C12orf42: variants seen among roughly 807,000 people sequenced by gnomAD.
C12orf42 encodes the protein chromosome 12 open reading frame 42.
A neutral mutation model predicts 21.6 loss-of-function variants in C12orf42; 25 were observed. The observed-to-expected ratio is 1.16, with a 90% CI of 0.84 to 1.62. The LOEUF (loss-of-function observed/expected upper bound fraction) is 1.62, where lower values mean the gene tolerates loss of function less well. Among genes scored for constraint, C12orf42 ranks in the 40% most tolerant of loss-of-function variants. The pLI is 0.00. For missense variants in C12orf42, 483 were observed against 459.3 expected, an observed-to-expected ratio of 1.05 and a Z score of -0.47; for synonymous variants, 174 against 175.0, an observed-to-expected ratio of 0.99 and a Z score of 0.05.
At chr12:103,428,460 T>C (rs1336198747) in intron 2 of C12orf42, among the ~76,000 whole-genome samples, 4 of 152,142 alleles carry the variant, frequency 2.6e-5, no homozygotes, top group Non-Finnish European at 2.9e-5. Flanking sequence ...AGTTCTGAAA[T>C]TGAGGCAGTA....
chr12:103,517,542 A>T, the C12orf42 span, among the ~76,000 whole-genome samples: 1 of 152,240 alleles, frequency 6.6e-6, no homozygotes, highest in Non-Finnish European at 1.5e-5. Context: ...CACAAATTAC[A>T]TTAGACCTTT....
downstream of C12orf42, among the ~76,000 whole-genome samples, chr12:103,265,224 T>C (rs1264483373): frequency 1.3e-5 from 2 of 152,060 alleles, no homozygotes; most frequent in African/African-American, 4.8e-5. Flanking sequence ...ATATTAGGGA[T>C]TAGAATTTCA....
At chr12:103,168,078 G>A in the C12orf42 span, 1 of 455,844 alleles carries the variant, frequency 2.2e-6, no homozygotes, top group Non-Finnish European at 4.4e-6. Flanking sequence ...TTACATTATT[G>A]TGGATACTTT....
At chr12:103,384,568 T>C (rs1211764203) in intron 3 of C12orf42, among the ~76,000 whole-genome samples, 1 of 152,194 alleles carries the variant, frequency 6.6e-6, no homozygotes, top group Admixed American at 6.5e-5. Flanking sequence ...TGGTGGTTTC[T>C]CCCACTCCTT....
intron 3 of C12orf42, among the ~76,000 whole-genome samples, chr12:103,376,192 G>A (rs984033848): frequency 2.0e-5 from 3 of 152,168 alleles, no homozygotes; most frequent in African/African-American, 7.2e-5. Context: ...TAAAGAAAAT[G>A]TGGCACATAT....
At chr12:103,193,485 G>A in the C12orf42 span, among the ~76,000 whole-genome samples, 1 of 151,472 alleles carries the variant, frequency 6.6e-6, no homozygotes, top group East Asian at 1.9e-4. Context: ...AGAAAAAGAA[G>A]CAATTAAATG....
the C12orf42 span, among the ~76,000 whole-genome samples, chr12:103,536,600 G>A: frequency 6.6e-6 from 1 of 152,172 alleles, no homozygotes; most frequent in Admixed American, 6.5e-5. Context: ...GCCATCACAT[G>A]TCCAACAACT....
chr12:103,333,666 C>G (rs533069605), intron 4 of C12orf42, among the ~76,000 whole-genome samples: 4 of 152,180 alleles, frequency 2.6e-5, no homozygotes, highest in Admixed American at 1.3e-4. Context: ...TATCAGGGTC[C>G]TCTTTCAATA....
chr12:103,470,251 G>C (rs1290743707), intron 2 of C12orf42, among the ~76,000 whole-genome samples: 1 of 152,166 alleles, frequency 6.6e-6, no homozygotes, highest in Non-Finnish European at 1.5e-5. Flanking sequence ...CGAGGCTGGT[G>C]GTCCTGACAT....
At chr12:103,226,744 G>C in the C12orf42 span, among the ~76,000 whole-genome samples, 1 of 152,136 alleles carries the variant, frequency 6.6e-6, no homozygotes. Context: ...GCCTGGGGAG[G>C]AAAGGAGAGG....
intron 3 of C12orf42, among the ~76,000 whole-genome samples, chr12:103,372,966 G>A (rs1015385006): frequency 6.6e-6 from 1 of 152,126 alleles, no homozygotes; most frequent in Non-Finnish European, 1.5e-5. Flanking sequence ...GAAAAAGAAT[G>A]AATGAAGACA....
intron 2 of C12orf42, among the ~76,000 whole-genome samples, chr12:103,414,142 T>C (rs1191632229): frequency 6.6e-6 from 1 of 152,144 alleles, no homozygotes; most frequent in Non-Finnish European, 1.5e-5. Flanking sequence ...TCCATACCAA[T>C]ATCTATTTTT....
intron 2 of C12orf42, among the ~76,000 whole-genome samples, chr12:103,414,661 A>G (rs962597304): frequency 6.6e-6 from 1 of 152,098 alleles, no homozygotes; most frequent in African/African-American, 2.4e-5. Flanking sequence ...TGGCTATTGT[A>G]AGTAGGATTG....
the C12orf42 span, among the ~76,000 whole-genome samples, chr12:103,142,566 T>C: frequency 6.6e-6 from 1 of 152,118 alleles, no homozygotes; most frequent in Non-Finnish European, 1.5e-5. Flanking sequence ...GTTAAGTGCA[T>C]CAGAGAGAGA....
chr12:103,210,639 C>CTTTCTT, the C12orf42 span, among the ~76,000 whole-genome samples: 4 of 77,674 alleles, frequency 5.1e-5, no homozygotes, highest in African/African-American at 1.8e-4. Context: ...CCCTCTATTT[C>CTTTCTT]TTTTTTTTTT....
chr12:103,472,659 A>G (rs1953720688), intron 2 of C12orf42, among the ~76,000 whole-genome samples: 1 of 152,290 alleles, frequency 6.6e-6, no homozygotes, highest in African/African-American at 2.4e-5. Context: ...GAATGATGGG[A>G]AAATAAGCCA....
chr12:103,446,838 C>T (rs2137402055), intron 2 of C12orf42, among the ~76,000 whole-genome samples: 1 of 151,924 alleles, frequency 6.6e-6, no homozygotes, highest in East Asian at 1.9e-4. Flanking sequence ...ATGCACGTAA[C>T]ATTGGAGTTC....
At chr12:103,184,463 T>G in the C12orf42 span, among the ~76,000 whole-genome samples, 1 of 152,198 alleles carries the variant, frequency 6.6e-6, no homozygotes, top group Non-Finnish European at 1.5e-5. Context: ...TTTTTGTAAC[T>G]AGCATATAAT....
At chr12:103,232,457 C>T in the C12orf42 span, among the ~76,000 whole-genome samples, 1 of 145,596 alleles carries the variant, frequency 6.9e-6, no homozygotes, top group Non-Finnish European at 1.5e-5. Flanking sequence ...ACCTGTAATC[C>T]CAGCACTTTG....
Sources: gnomAD v4.1 joint callset for allele counts (sites outside exome capture counted in the v4.1 genomes callset) on GRCh38, gnomAD v4.1.1 for gene constraint, MANE v1.5 for transcripts, NCBI Gene and HGNC (gene_info 2026-07-23, HGNC 2026-07-21) for gene names.